Variants in RAVER2 observed in about 807,000 individuals in gnomAD.
RAVER2 encodes the protein ribonucleoprotein PTB-binding 2.
In RAVER2, 46 loss-of-function variants were observed where a neutral mutation model predicts 78.1. That is an observed-to-expected ratio of 0.59 (90% CI 0.46 to 0.75). RAVER2 has a LOEUF of 0.75. Among genes scored for constraint, RAVER2 ranks in the 30% least tolerant of loss-of-function variants. The probability of loss-of-function intolerance (pLI) is 0.00; values close to 1 mark genes in which losing one functional copy is unlikely to be tolerated. For synonymous variants in RAVER2, 311 were observed against 313.3 expected (o/e 0.99, Z 0.08); for missense variants, 793 against 837.5 (o/e 0.95, Z 0.66).
chr1:64,804,821 A>G (rs1212589565), exon 7 of RAVER2: 1 of 1,554,342 alleles, frequency 6.4e-7, no homozygotes, highest in Admixed American at 1.7e-5. Context: ...GAAGTTTGAG[A>G]ATATTCATAC....
At chr1:64,812,657 AAAAT>A (rs1223962528) in intron 9 of RAVER2, 77 bp from the exon 10 acceptor site, 3 of 886,398 alleles carry the variant, frequency 3.4e-6, no homozygotes, top group South Asian at 3.6e-5. Context: ...GATGTATTGA[AAAAT>A]AAGTATTTCT....
exon 9 of RAVER2, chr1:64,807,297 G>A (rs909352612): frequency 8.1e-6 from 13 of 1,614,014 alleles, no homozygotes; most frequent in African/African-American, 1.3e-5. Context: ...GACAGGCTGG[G>A]CCAGGGCACA....
intron 9 of RAVER2, among the ~76,000 whole-genome samples, chr1:64,807,795 A>G (rs1653486514): frequency 6.6e-6 from 1 of 152,160 alleles, no homozygotes; most frequent in Non-Finnish European, 1.5e-5. Flanking sequence ...TGGATTCTTT[A>G]TTCCTTATAA....
chr1:64,794,693 AGTT>A (rs1488520624), intron 5 of RAVER2, among the ~76,000 whole-genome samples: 6 of 151,930 alleles, frequency 3.9e-5, no homozygotes, highest in Non-Finnish European at 8.8e-5. Context: ...TTAAAAACTG[AGTT>A]GTTTGTCTTC....
At chr1:64,750,758 C>A (rs1651676813) in intron 1 of RAVER2, among the ~76,000 whole-genome samples, 1 of 152,110 alleles carries the variant, frequency 6.6e-6, no homozygotes, top group Admixed American at 6.5e-5. Context: ...TCTTTAAAAT[C>A]AAAATGCCAT....
At chr1:64,776,149 A>C (rs1243107524) in intron 2 of RAVER2, among the ~76,000 whole-genome samples, 1 of 152,196 alleles carries the variant, frequency 6.6e-6, no homozygotes, top group Admixed American at 6.5e-5. Context: ...CAGTATTTAC[A>C]AACTGTTGTT....
At position 64,745,446 on chromosome 1, in the gene RAVER2, C is replaced by T; in HGVS notation, c.249+25C>T. On this transcript the variant is annotated intron_variant, in intron 1 of 11. Transcript: ENST00000294428. The surrounding 1 kb of genome is among the most constrained non-coding windows in gnomAD (Gnocchi z 4.3). The stretch of plus-strand genomic sequence containing the variant: ...GGTACTGGGACGGTGATAGGGGCGA[C>T]GCGTCCCGAGGGGCGGCGGGGCGGC... 2.7e-6 allele frequency: 4 copies of T among 1,507,902 alleles called. No individual in the cohort carries two copies. The highest frequency in any genetic ancestry group is 3.6e-6 in the Non-Finnish European group (4 of 1,121,142). 93.4% of individuals were successfully genotyped at this position (1,507,902 alleles called of 1,614,324 possible).
intron 3 of RAVER2, among the ~76,000 whole-genome samples, chr1:64,779,373 A>C (rs768675840): frequency 1.8e-4 from 26 of 148,174 alleles, no homozygotes; most frequent in Non-Finnish European, 3.4e-4. Context: ...ATTTTGCAGT[A>C]ATATATATTT....
At chr1:64,785,890 TATATA>T (rs559165929) in intron 4 of RAVER2, among the ~76,000 whole-genome samples, 437 of 152,314 alleles carry the variant, frequency 2.9e-3, no homozygotes, top group Non-Finnish European at 5.2e-3. Context: ...TTCAACATAT[TATATA>T]ATAACATCTT....
At chr1:64,823,357 T>C (rs1380047287) in intron 11 of RAVER2, among the ~76,000 whole-genome samples, 1 of 152,202 alleles carries the variant, frequency 6.6e-6, no homozygotes, top group Non-Finnish European at 1.5e-5. Flanking sequence ...GAATTGCCAT[T>C]GAGCTGTGAA....
intron 4 of RAVER2, among the ~76,000 whole-genome samples, chr1:64,784,635 C>A (rs561347454): frequency 2.0e-5 from 3 of 152,262 alleles, no homozygotes; most frequent in African/African-American, 7.2e-5. Flanking sequence ...CTTAGACATT[C>A]CCACTTCATG....
rs368232654 is a variant in RAVER2, at chr1:64,768,636, C to T, written c.250-20C>T. On this transcript the variant is annotated intron_variant, in intron 1 of 11. Transcript: ENST00000294428. Reference sequence around the variant, plus strand: ...ACTGCATTTGTATGTTTACTGAATTCGTGTTTTTTTCTCTTTCAGGAAGTT... The same window carrying T: ...ACTGCATTTGTATGTTTACTGAATTTGTGTTTTTTTCTCTTTCAGGAAGTT... The T allele has an allele frequency of 5.9e-5, 85 of 1,450,568 alleles. No individual in the cohort carries two copies. The highest frequency in any genetic ancestry group is 1.6e-4 in the African/African-American group (11 of 70,770). 89.9% of individuals were successfully genotyped at this position (1,450,568 alleles called of 1,614,324 possible). A position where few individuals can be genotyped will look rare whatever the true frequency, so the allele number is the denominator to read the frequency against.
chr1:64,774,594 T>G (rs578084847), intron 2 of RAVER2, among the ~76,000 whole-genome samples: 25 of 152,300 alleles, frequency 1.6e-4, no homozygotes, highest in Non-Finnish European at 3.5e-4. Flanking sequence ...TAGTGTAGTT[T>G]GAAGTCAGGT....
rs373289900 is a variant in RAVER2, at chr1:64,799,004, A to G, written c.1106-3972A>G. On this transcript the variant is annotated intron_variant, in intron 5 of 11. Coordinates refer to ENST00000294428, the Ensembl canonical transcript of RAVER2. ...AAATGTTTGTTAACTTAGTCACCCT[A>G]CAGTACTATAGAACATGAAAACTTA... Among the ~76,000 whole-genome samples the G allele has an allele frequency of 2.3e-4, 35 of 152,314 alleles. No individual in the cohort carries two copies. The East Asian group carries it at 5.2e-3, about 23-fold the overall frequency.
At chr1:64,815,540 C>T (rs1653734935) in intron 11 of RAVER2, 1 of 152,128 alleles carries the variant, frequency 6.6e-6, no homozygotes. Flanking sequence ...ATTATGGAAT[C>T]ATAAGAGTCC....
chr1:64,762,690 T>G (rs1389352309), intron 1 of RAVER2, among the ~76,000 whole-genome samples: 1 of 152,176 alleles, frequency 6.6e-6, no homozygotes, highest in Non-Finnish European at 1.5e-5. Flanking sequence ...TCAAAAAAAT[T>G]GAACCTTGAC....
intron 1 of RAVER2, among the ~76,000 whole-genome samples, chr1:64,760,854 G>T (rs1318549226): frequency 2.6e-5 from 4 of 152,184 alleles, no homozygotes; most frequent in African/African-American, 9.6e-5. Flanking sequence ...TGATGGGAAT[G>T]AATATTTTAT....
intron 3 of RAVER2, among the ~76,000 whole-genome samples, chr1:64,779,664 GTTC>G (rs1570548522): frequency 6.6e-6 from 1 of 151,474 alleles, no homozygotes; most frequent in East Asian, 1.9e-4. Flanking sequence ...TTATTGATAT[GTTC>G]TTCTTGAATA....
At chr1:64,815,997 C>A (rs979056688) in intron 11 of RAVER2, 2 of 152,072 alleles carry the variant, frequency 1.3e-5, no homozygotes, top group African/African-American at 4.8e-5. Context: ...TAGATAAAGA[C>A]ATTAATTGTA....
Sources: gnomAD v4.1 joint callset for allele counts (sites outside exome capture counted in the v4.1 genomes callset) on GRCh38, gnomAD v4.1.1 for gene constraint, Gnocchi (gnomAD v3.1) non-coding constraint, MANE v1.5 for transcripts, NCBI Gene and HGNC (gene_info 2026-07-23, HGNC 2026-07-21) for gene names.